IQCM: variants seen among roughly 807,000 people sequenced by gnomAD.
The protein encoded by IQCM is IQ domain-containing protein M.
Under a neutral mutation model 57.6 loss-of-function variants are expected in IQCM, and 45 were observed. The observed-to-expected ratio is 0.78, with a 90% CI of 0.62 to 1.00. The LOEUF is 1.00. Ranked by LOEUF, IQCM falls within the 50% of genes least tolerant of loss-of-function variation. The pLI, the probability that IQCM is intolerant of heterozygous loss-of-function variation, is 0.00. For missense variants in IQCM, 468 were observed against 511.6 expected, an observed-to-expected ratio of 0.91 and a Z score of 0.82; for synonymous variants, 148 against 158.9, an observed-to-expected ratio of 0.93 and a Z score of 0.51.
intron 12 of IQCM, among the ~76,000 whole-genome samples, chr4:149,538,837 A>C (rs2149871953): frequency 1.3e-5 from 2 of 152,058 alleles, no homozygotes; most frequent in Admixed American, 6.5e-5. Flanking sequence ...AAAATTAAAA[A>C]CCTTTGCTTT....
At chr4:149,609,359 T>A (rs1755076673) in intron 8 of IQCM, among the ~76,000 whole-genome samples, 1 of 151,720 alleles carries the variant, frequency 6.6e-6, no homozygotes, top group African/African-American at 2.4e-5. Context: ...TTTTAAAAAA[T>A]TGAGGAGAGA....
At chr4:149,538,893 G>GA (rs201401565) in intron 12 of IQCM, among the ~76,000 whole-genome samples, 1 of 151,596 alleles carries the variant, frequency 6.6e-6, no homozygotes, top group African/African-American at 2.4e-5. Flanking sequence ...ACAGCCTGGG[G>GA]AAAAAAAATG....
intron 7 of IQCM, among the ~76,000 whole-genome samples, chr4:149,647,007 T>G (rs747496944): frequency 7.2e-5 from 11 of 152,164 alleles, no homozygotes; most frequent in South Asian, 2.1e-4. Context: ...TAATAATTTT[T>G]TGTGTGTGTT....
At chr4:149,691,781 T>A (rs573928815) in intron 5 of IQCM, 2 of 152,256 alleles carry the variant, frequency 1.3e-5, no homozygotes, top group East Asian at 3.9e-4. Context: ...GGGAACAGGT[T>A]CACTACATAC....
chr4:149,546,335 A>G (rs1343831982), intron 12 of IQCM, among the ~76,000 whole-genome samples: 2 of 152,220 alleles, frequency 1.3e-5, no homozygotes, highest in African/African-American at 4.8e-5. Context: ...ATATATACCC[A>G]GTAATGGGAT....
intron 12 of IQCM, among the ~76,000 whole-genome samples, chr4:149,492,567 A>C (rs1742207871): frequency 6.6e-6 from 1 of 152,114 alleles, no homozygotes; most frequent in Non-Finnish European, 1.5e-5. Flanking sequence ...GACATTTTGT[A>C]GCTACAAGAT....
chr4:149,650,650 A>G (rs1249693941), intron 7 of IQCM, among the ~76,000 whole-genome samples: 3 of 152,074 alleles, frequency 2.0e-5, no homozygotes, highest in Admixed American at 6.6e-5. Context: ...TCGACCTCCC[A>G]AAGTGCTGAC....
At chr4:149,587,745 C>CA (rs1187902449) in intron 9 of IQCM, among the ~76,000 whole-genome samples, 185 bp downstream of exon 9, 1 of 151,702 alleles carries the variant, frequency 6.6e-6, no homozygotes, top group African/African-American at 2.4e-5. Flanking sequence ...CTAAAACACT[C>CA]AAAAAACTGT....
chr4:149,670,445 T>C (rs1210726540), intron 7 of IQCM, among the ~76,000 whole-genome samples: 1 of 152,178 alleles, frequency 6.6e-6, no homozygotes, highest in Non-Finnish European at 1.5e-5. Context: ...TGACTTTCTC[T>C]TTTCCTAATT....
At chr4:149,747,137 A>G (rs747119385) in intron 2 of IQCM, among the ~76,000 whole-genome samples, 3 of 152,224 alleles carry the variant, frequency 2.0e-5, no homozygotes, top group Non-Finnish European at 2.9e-5. Context: ...TGACCAAATC[A>G]TCAGATCTGC....
intron 13 of IQCM, among the ~76,000 whole-genome samples, chr4:149,400,715 T>C (rs1331485906): frequency 1.3e-5 from 2 of 151,966 alleles, no homozygotes; most frequent in East Asian, 1.9e-4. Context: ...AACTAAATGA[T>C]AGATTAATGG....
At chr4:149,582,229 G>C (rs770041644) in intron 9 of IQCM, among the ~76,000 whole-genome samples, 1 of 146,204 alleles carries the variant, frequency 6.8e-6, no homozygotes, top group Non-Finnish European at 1.5e-5. Context: ...CCAATACAAA[G>C]AACAAACAGC....
At chr4:149,433,854 C>A (rs1191131961) in intron 12 of IQCM, among the ~76,000 whole-genome samples, 1 of 151,956 alleles carries the variant, frequency 6.6e-6, no homozygotes, top group African/African-American at 2.4e-5. Flanking sequence ...ATTATAGATT[C>A]TATAACATAT....
chr4:149,460,752 C>T (rs1738187742), intron 12 of IQCM, among the ~76,000 whole-genome samples: 1 of 152,116 alleles, frequency 6.6e-6, no homozygotes, highest in Non-Finnish European at 1.5e-5. Context: ...AGCTGTAATG[C>T]TTTTTAATAC....
intron 13 of IQCM, among the ~76,000 whole-genome samples, chr4:149,408,724 T>C (rs1418054601): frequency 6.6e-6 from 1 of 152,132 alleles, no homozygotes; most frequent in African/African-American, 2.4e-5. Flanking sequence ...TAAAAAAAAT[T>C]ATCATTTGAG....
At chr4:149,735,499 T>A in intron 3 of IQCM, 41 bp from the exon 4 acceptor site, 1 of 885,776 alleles carries the variant, frequency 1.1e-6, no homozygotes, top group Non-Finnish European at 1.5e-6. Context: ...GCAGTTAATG[T>A]GAAAGTAAAT....
intron 2 of IQCM, among the ~76,000 whole-genome samples, chr4:149,808,594 G>A (rs963102058): frequency 1.3e-4 from 20 of 152,042 alleles, no homozygotes; most frequent in Non-Finnish European, 2.9e-5. Flanking sequence ...TGAGGTGTTG[G>A]ATATCTCAAT....
chr4:149,690,035 A>G (rs1485283852), intron 5 of IQCM, among the ~76,000 whole-genome samples: 4 of 152,182 alleles, frequency 2.6e-5, no homozygotes, highest in Middle Eastern at 3.2e-3. Context: ...TAGAACTACC[A>G]TTTGATCCAG....
chr4:149,752,587 A>G (rs959861465), intron 2 of IQCM, among the ~76,000 whole-genome samples: 4 of 151,360 alleles, frequency 2.6e-5, no homozygotes, highest in Non-Finnish European at 4.4e-5. Flanking sequence ...GCTTTTCCCT[A>G]AGGAATGAGA....
Sources: allele counts gnomAD v4.1 joint callset (sites outside exome capture counted in the v4.1 genomes callset), GRCh38; gene constraint gnomAD v4.1.1; transcripts MANE v1.5; gene names NCBI Gene and HGNC (gene_info 2026-07-23, HGNC 2026-07-21).